Variants in PPFIA2 observed in about 807,000 individuals in gnomAD.
The protein encoded by PPFIA2 is PPFI scaffold protein A2, also known as liprin-alpha-2.
Under a neutral mutation model 175.5 loss-of-function variants are expected in PPFIA2, and 46 were observed. That is an observed-to-expected ratio of 0.26 (90% CI 0.21 to 0.34). PPFIA2 has a LOEUF of 0.34. PPFIA2 is among the 10% of genes least tolerant of loss of function. The pLI, the probability that PPFIA2 is intolerant of heterozygous loss-of-function variation, is 1.00. For synonymous variants in PPFIA2, 568 were observed against 511.4 expected (o/e 1.11, Z -1.49); for missense variants, 1,179 against 1,506.1 (o/e 0.78, Z 3.60).
chr12:81,301,330 G>A (rs2138378863), intron 22 of PPFIA2, among the ~76,000 whole-genome samples: 1 of 152,148 alleles, frequency 6.6e-6, no homozygotes, highest in South Asian at 2.1e-4. Context: ...ACATTAAAAG[G>A]GAAGAAATAA....
At chr12:81,676,912 G>T in intron 3 of PPFIA2, 68 bp from the exon 4 acceptor site, 1 of 1,158,192 alleles carries the variant, frequency 8.6e-7, no homozygotes, top group Non-Finnish European at 1.2e-6. Flanking sequence ...CAGTCCCACA[G>T]TGTAATAATT....
intron 4 of PPFIA2, chr12:81,545,395 C>G (rs1174419694): frequency 6.6e-6 from 1 of 152,202 alleles, no homozygotes; most frequent in Non-Finnish European, 1.5e-5. Flanking sequence ...TGGGCCTCCT[C>G]TAAGCAGTAG....
intron 4 of PPFIA2, among the ~76,000 whole-genome samples, chr12:81,533,137 T>C (rs1231096343): frequency 6.6e-6 from 1 of 151,602 alleles, no homozygotes; most frequent in Non-Finnish European, 1.5e-5. Context: ...AAGAAAGGGA[T>C]TTAATAAAAT....
rs191652533 is a variant in PPFIA2, at chr12:81,304,054, G to A, written c.2643-4672C>T. 2.6e-5 allele frequency among the ~76,000 whole-genome samples: 4 copies of A among 152,180 alleles called. No individual in the cohort carries two copies. In the East Asian group the frequency reaches 7.7e-4, roughly 29 times the overall value. On this transcript the variant is annotated intron_variant, in intron 22 of 32. Transcript: ENST00000549396. Reference sequence around the variant, plus strand: ...TTTGCATGCCATCACATGCCTCCCTGCCTTATCTCCCCACATACTTTGTCT... The same window carrying A: ...TTTGCATGCCATCACATGCCTCCCTACCTTATCTCCCCACATACTTTGTCT...
intron 3 of PPFIA2, among the ~76,000 whole-genome samples, chr12:81,691,549 A>T (rs1321479298): frequency 1.3e-5 from 2 of 152,106 alleles, no homozygotes; most frequent in African/African-American, 4.8e-5. Flanking sequence ...ATAACACCTT[A>T]TTGGAATTAG....
At chr12:81,758,035 T>C (rs932016348) in intron 2 of PPFIA2, among the ~76,000 whole-genome samples, 11 of 152,168 alleles carry the variant, frequency 7.2e-5, no homozygotes, top group African/African-American at 2.7e-4. Context: ...TCGGGAAATA[T>C]GATTATCACC....
chr12:81,716,444 A>C (rs1200362309), intron 3 of PPFIA2, among the ~76,000 whole-genome samples: 1 of 151,646 alleles, frequency 6.6e-6, no homozygotes, highest in Non-Finnish European at 1.5e-5. Context: ...AGTCCATAAA[A>C]TTTGCATGAC....
intron 3 of PPFIA2, among the ~76,000 whole-genome samples, chr12:81,737,782 C>T (rs574942826): frequency 6.6e-6 from 1 of 151,666 alleles, no homozygotes; most frequent in African/African-American, 2.4e-5. Flanking sequence ...AATTAGTGAA[C>T]TAAAATTTCA....
At chr12:81,403,838 C>A (rs2042464096) in intron 8 of PPFIA2, among the ~76,000 whole-genome samples, 1 of 152,136 alleles carries the variant, frequency 6.6e-6, no homozygotes, top group African/African-American at 2.4e-5. Context: ...AGAATCAGGG[C>A]AGAAGTACCA....
At chr12:81,653,243 A>G (rs902799507) in intron 4 of PPFIA2, among the ~76,000 whole-genome samples, 1 of 152,140 alleles carries the variant, frequency 6.6e-6, no homozygotes, top group African/African-American at 2.4e-5. Flanking sequence ...AGTACTTGGA[A>G]TAAAATCCAG....
At chr12:81,719,343 A>G (rs961259579) in intron 3 of PPFIA2, among the ~76,000 whole-genome samples, 9 of 151,670 alleles carry the variant, frequency 5.9e-5, no homozygotes, top group African/African-American at 2.2e-4. Context: ...AATTTCTTAC[A>G]TTTCCAGCTC....
chr12:81,611,066 AC>A lies in PPFIA2; in HGVS notation c.303+65724del, dbSNP rs557161762. Among the ~76,000 whole-genome samples, 24 of 152,128 alleles carry A rather than the reference AC, an allele frequency of 1.6e-4. No homozygotes were observed. The South Asian group carries it at 1.9e-3, about 12-fold the overall frequency. ...AGTAATGGCTGGCAGCTAGGCTGAT[AC>A]CTAGTCCCTGACTCTTCTACTTCCT... On this transcript the variant is annotated intron_variant, in intron 4 of 32. Transcript: ENST00000549396.
chr12:81,484,495 C>A (rs565782049), intron 4 of PPFIA2, among the ~76,000 whole-genome samples: 24 of 151,930 alleles, frequency 1.6e-4, no homozygotes, highest in African/African-American at 5.8e-4. Flanking sequence ...CAATAATATT[C>A]AAAATTTTTC....
intron 7 of PPFIA2, among the ~76,000 whole-genome samples, chr12:81,419,401 G>A (rs1465338960): frequency 9.9e-5 from 15 of 151,982 alleles, no homozygotes. Flanking sequence ...GAATCCATAA[G>A]TGTTATTATT....
intron 15 of PPFIA2, among the ~76,000 whole-genome samples, chr12:81,359,195 T>C (rs1256843150): frequency 1.3e-5 from 2 of 152,064 alleles, no homozygotes; most frequent in Non-Finnish European, 2.9e-5. Context: ...GACTATACTC[T>C]CTTTTTCAGT....
At chr12:81,503,702 G>A (rs925656167) in intron 4 of PPFIA2, among the ~76,000 whole-genome samples, 12 of 151,804 alleles carry the variant, frequency 7.9e-5, no homozygotes, top group African/African-American at 2.7e-4. Flanking sequence ...CTAATAAGTT[G>A]AGCACATTGC....
At chr12:81,547,157 C>T (rs1446399021) in intron 4 of PPFIA2, among the ~76,000 whole-genome samples, 2 of 152,160 alleles carry the variant, frequency 1.3e-5, no homozygotes, top group African/African-American at 2.4e-5. Flanking sequence ...ATGAACTACA[C>T]TCACTTTAAA....
chr12:81,491,193 T>A (rs2059376401), intron 4 of PPFIA2, among the ~76,000 whole-genome samples: 1 of 139,632 alleles, frequency 7.2e-6, no homozygotes, highest in Non-Finnish European at 1.5e-5. Flanking sequence ...CCTTTTAATG[T>A]TTCTGGAATT....
intron 19 of PPFIA2, among the ~76,000 whole-genome samples, chr12:81,342,939 C>G (rs967444200): frequency 1.1e-5 from 1 of 89,478 alleles, no homozygotes; most frequent in Non-Finnish European, 2.3e-5. Flanking sequence ...TACCCTAAAA[C>G]TTAAAGTATA....
Sources: gnomAD v4.1 joint callset for allele counts (sites outside exome capture counted in the v4.1 genomes callset) on GRCh38, gnomAD v4.1.1 for gene constraint, MANE v1.5 for transcripts, NCBI Gene and HGNC (gene_info 2026-07-23, HGNC 2026-07-21) for gene names.